Variants in LRP1B observed in about 807,000 individuals in gnomAD.
LRP1B encodes low-density lipoprotein receptor-related protein 1B.
A neutral mutation model predicts 556.6 loss-of-function variants in LRP1B; 217 were observed. The ratio of observed to expected loss-of-function variants is 0.39; its 90% CI spans 0.35 to 0.44. The LOEUF (loss-of-function observed/expected upper bound fraction) is 0.44. Ranked by LOEUF, LRP1B falls within the 20% of genes least tolerant of loss-of-function variation. The probability of loss-of-function intolerance (pLI) is 1.00; values close to 1 mark genes in which losing one functional copy is unlikely to be tolerated. For synonymous variants in LRP1B, 2,047 were observed against 1,865.8 expected, an observed-to-expected ratio of 1.10 and a Z score of -2.50; for missense variants, 5,053 against 5,620.8, an observed-to-expected ratio of 0.90 and a Z score of 3.23.
At chr2:140,523,643 A>G (rs1558941895) in intron 49 of LRP1B, among the ~76,000 whole-genome samples, 1 of 151,916 alleles carries the variant, frequency 6.6e-6, no homozygotes, top group Non-Finnish European at 1.5e-5. Context: ...GACTCTGCAA[A>G]AAAGGCCCCT....
intron 1 of LRP1B, among the ~76,000 whole-genome samples, chr2:141,845,705 G>T (rs1697622912): frequency 6.6e-6 from 1 of 151,836 alleles, no homozygotes; most frequent in Admixed American, 6.6e-5. Flanking sequence ...AGATACTAGA[G>T]AAATGCAAAC....
At chr2:140,321,505 A>G (rs1680126475) in intron 82 of LRP1B, among the ~76,000 whole-genome samples, 1 of 151,992 alleles carries the variant, frequency 6.6e-6, no homozygotes, top group Admixed American at 6.6e-5. Flanking sequence ...TGTAAGTCCC[A>G]TTTTACAGAG....
intron 3 of LRP1B, among the ~76,000 whole-genome samples, chr2:141,264,616 G>A (rs956379214): frequency 9.2e-5 from 14 of 151,796 alleles, no homozygotes; most frequent in Non-Finnish European, 1.5e-4. Flanking sequence ...CATCACACCC[G>A]GATAAATTTT....
In LRP1B at chr2:141,690,975, T is replaced by C. The variant is rs151020401; in HGVS notation, c.205+119304A>G. On this transcript the variant is annotated intron_variant, in intron 2 of 90. Coordinates refer to ENST00000389484, the MANE Select transcript of LRP1B (RefSeq NM_018557.3). ...GAAAGATACATTCTAAGAGCAAATG[T>C]AATTTAATTTAATTTCTTCGGGGGA... is the stretch of plus-strand genomic sequence containing the variant. Among the ~76,000 whole-genome samples the C allele has an allele frequency of 2.0e-4, 31 of 151,970 alleles. No homozygotes were observed. The East Asian group carries it at 5.5e-3, about 27-fold the overall frequency.
chr2:141,954,540 G>A (rs1360090472), intron 1 of LRP1B, among the ~76,000 whole-genome samples: 1 of 151,998 alleles, frequency 6.6e-6, no homozygotes, highest in African/African-American at 2.4e-5. Flanking sequence ...GAAAATTATG[G>A]TACTCATCTC....
Position 140,303,078 on chromosome 2 carries a change from G to A in LRP1B, c.12806-5109C>T, listed in dbSNP as rs148574710. 0.013 allele frequency among the ~76,000 whole-genome samples: 1,434 copies of A among 106,614 alleles called. 65 individuals are homozygous for A. In the East Asian group the frequency reaches 0.17, roughly 13 times the overall value. The allele number at this position is 106,614 out of a possible 152,430, so 69.9% of individuals were successfully genotyped here. A position where few individuals can be genotyped will look rare whatever the true frequency, so the allele number is the denominator to read the frequency against. ...GGACATACACACACACATATATATC[G>A]GTTCTTTTTCTTTGTATGATACAAA... On this transcript the variant is annotated intron_variant, in intron 83 of 90. Transcript: ENST00000389484.
At chr2:142,116,223 A>AT (rs1707270641) in intron 1 of LRP1B, among the ~76,000 whole-genome samples, 1 of 131,748 alleles carries the variant, frequency 7.6e-6, no homozygotes, top group Non-Finnish European at 1.6e-5. Flanking sequence ...AAAGAATGAG[A>AT]AAGATATCAC....
intron 2 of LRP1B, among the ~76,000 whole-genome samples, chr2:141,493,363 T>TG (rs1263703639): frequency 2.0e-5 from 3 of 152,134 alleles, no homozygotes; most frequent in Non-Finnish European, 4.4e-5. Flanking sequence ...GAAAATCACT[T>TG]GAGATGTCAA....
At chr2:141,600,793 G>C (rs1687705460) in intron 2 of LRP1B, among the ~76,000 whole-genome samples, 1 of 151,898 alleles carries the variant, frequency 6.6e-6, no homozygotes, top group East Asian at 1.9e-4. Context: ...TTGTACCTGT[G>C]CCTACAAGAT....
chr2:140,503,244 A>G (rs1209095747), intron 53 of LRP1B, 141 bp from the exon 54 acceptor site: 3 of 777,238 alleles, frequency 3.9e-6, no homozygotes, highest in South Asian at 4.2e-5. Context: ...TTTCTGTAAC[A>G]GTGGTTATAG....
At chr2:140,378,323 T>C (rs937586646) in intron 67 of LRP1B, 37 bp from the exon 68 acceptor site, 35 of 1,111,284 alleles carry the variant, frequency 3.1e-5, no homozygotes, top group Non-Finnish European at 4.5e-5. Flanking sequence ...TATTCTATTA[T>C]ATGTAAGTGC....
rs1559079660 is a variant in LRP1B at position 142,115,553 on chromosome 2, ATTATATATGTAATATATAT to A, written c.82+15076_82+15094del. Among the ~76,000 whole-genome samples the A allele has an allele frequency of 2.8e-3, 63 of 22,442 alleles. 1 individual carries two copies. The highest frequency in any genetic ancestry group is 0.012 in the Middle Eastern group (1 of 84). The allele number at this position is 22,442 out of a possible 152,430, so 14.7% of individuals were successfully genotyped here. ...TATATATTACATATGTAATATATAT[ATTATATATGTAATATATAT>A]TATATATGTAATATATATATTATAT... On this transcript the variant is annotated intron_variant, in intron 1 of 90. Transcript: ENST00000389484.
chr2:140,676,015 A>C (rs1685660097), intron 41 of LRP1B, among the ~76,000 whole-genome samples: 1 of 152,214 alleles, frequency 6.6e-6, no homozygotes, highest in African/African-American at 2.4e-5. Flanking sequence ...GCTGTGAAAA[A>C]TGTCATAAGG....
intron 3 of LRP1B, among the ~76,000 whole-genome samples, chr2:141,464,598 A>ATTTTTTTTT (rs199589153): frequency 5.5e-5 from 4 of 73,262 alleles, no homozygotes; most frequent in Admixed American, 1.4e-4. Context: ...ATATATATAT[A>ATTTTTTTTT]TATATATATT....
At chr2:142,104,346 G>A (rs1393020314) in intron 1 of LRP1B, among the ~76,000 whole-genome samples, 12 of 152,040 alleles carry the variant, frequency 7.9e-5, no homozygotes, top group Admixed American at 6.6e-4. Flanking sequence ...TGCATAAAAT[G>A]ACATTTATTG....
intron 35 of LRP1B, among the ~76,000 whole-genome samples, chr2:140,720,234 T>G (rs1687353410): frequency 6.6e-6 from 1 of 152,074 alleles, no homozygotes; most frequent in South Asian, 2.1e-4. Context: ...ACTATCTCTA[T>G]AATCATGTAG....
chr2:140,629,904 T>C (rs1683817445), intron 41 of LRP1B, among the ~76,000 whole-genome samples: 5 of 152,204 alleles, frequency 3.3e-5, no homozygotes, highest in Admixed American at 1.3e-4. Flanking sequence ...CTAAAACTTT[T>C]TTCACTGCAA....
At chr2:140,329,594 A>G (rs1680686822) in intron 79 of LRP1B, among the ~76,000 whole-genome samples, 1 of 152,014 alleles carries the variant, frequency 6.6e-6, no homozygotes, top group Non-Finnish European at 1.5e-5. Context: ...ATTCCTATAC[A>G]CCAACAATAG....
chr2:140,387,942 T>C (rs1573877130), intron 66 of LRP1B, among the ~76,000 whole-genome samples: 2 of 151,660 alleles, frequency 1.3e-5, no homozygotes, highest in African/African-American at 4.8e-5. Flanking sequence ...TTCTTTTTTT[T>C]TTTTTTTTCC....
Sources: allele counts gnomAD v4.1 joint callset (sites outside exome capture counted in the v4.1 genomes callset), GRCh38; gene constraint gnomAD v4.1.1; transcripts MANE v1.5; gene names NCBI Gene and HGNC (gene_info 2026-07-23, HGNC 2026-07-21).